RAB11FIP4: variants seen among roughly 807,000 people sequenced by gnomAD.
RAB11FIP4 encodes rab11 family-interacting protein 4.
Under a neutral mutation model 74.3 loss-of-function variants are expected in RAB11FIP4, and 23 were observed. The ratio of observed to expected loss-of-function variants is 0.31; its 90% CI spans 0.22 to 0.44. The LOEUF (loss-of-function observed/expected upper bound fraction) is 0.44. Among genes scored for constraint, RAB11FIP4 ranks in the 20% least tolerant of loss-of-function variants. RAB11FIP4 has a pLI of 1.00. For synonymous variants in RAB11FIP4, 360 were observed against 359.9 expected, an observed-to-expected ratio of 1.00 and a Z score of 0.00; for missense variants, 630 against 863.9, an observed-to-expected ratio of 0.73 and a Z score of 3.39.
At chr17:31,442,970 A>AC (rs2071419977) in intron 3 of RAB11FIP4, among the ~76,000 whole-genome samples, 1 of 151,842 alleles carries the variant, frequency 6.6e-6, no homozygotes, top group East Asian at 1.9e-4. Flanking sequence ...AAAAAAAAAA[A>AC]AAAAGAAAAG....
At chr17:31,419,761 A>C (rs2071182157) in intron 1 of RAB11FIP4, among the ~76,000 whole-genome samples, 1 of 152,072 alleles carries the variant, frequency 6.6e-6, no homozygotes, top group Non-Finnish European at 1.5e-5. Context: ...TGTGTTAGCC[A>C]GGATGGTCTC....
At position 31,530,343 on chromosome 17, in the gene RAB11FIP4, G is replaced by A. The variant is rs2072847014; in HGVS notation, c.1671G>A (p.Arg557=). Residue 557 remains arginine, a synonymous_variant, in exon 14 of 15, where the codon CGG becomes CGA. Coordinates refer to ENST00000621161, the MANE Select transcript of RAB11FIP4 (RefSeq NM_032932.6). Reference sequence around the variant, plus strand: ...CTCTGTAGGAGAATTATAAGCTGCGGGATCAGAACGACGACTTGAATGGGC... The same window carrying A: ...CTCTGTAGGAGAATTATAAGCTGCGAGATCAGAACGACGACTTGAATGGGC... ...KRLKQENYKL[R]DQNDDLNGQI... The A allele has an allele frequency of 6.2e-7, 1 of 1,614,060 alleles. No individual in the cohort carries two copies. Among genetic ancestry groups the A allele is most frequent in the African/African-American group, 1.3e-5 (1 of 74,930 alleles).
chr17:31,537,086 G>C lies in RAB11FIP4; in HGVS notation c.*5354G>C. The C allele has an allele frequency of 2.5e-6, 1 of 399,624 alleles. No homozygotes were observed. The highest frequency in any genetic ancestry group is 4.4e-6 in the Non-Finnish European group (1 of 226,366). 24.8% of individuals were successfully genotyped at this position (399,624 alleles called of 1,614,324 possible). ...CCTGCTGGGGCCCATCCGCTTTGCT[G>C]TGCTGCACAGGCTGTTTTCATCTGC... On this transcript the variant is annotated 3_prime_UTR_variant, in exon 15 of 15. Transcript: ENST00000621161.
intron 3 of RAB11FIP4, among the ~76,000 whole-genome samples, chr17:31,445,691 T>G (rs142521273): frequency 0.011 from 1,689 of 149,464 alleles, 36 homozygotes; most frequent in African/African-American, 0.035. Flanking sequence ...GTTCAAACGA[T>G]TCTCCTGCCT....
At chr17:31,440,108 T>C (rs956579161) in intron 3 of RAB11FIP4, among the ~76,000 whole-genome samples, 1 of 152,230 alleles carries the variant, frequency 6.6e-6, no homozygotes, top group African/African-American at 2.4e-5. Flanking sequence ...CTCCAGGCTA[T>C]AAACATATTC....
In RAB11FIP4 at chr17:31,525,074, A is replaced by G. The variant is rs2023795; in HGVS notation, c.1134-16A>G. The G allele has an allele frequency of 0.67, 1,031,380 of 1,549,732 alleles. 346,485 individuals carry two copies. Among genetic ancestry groups the G allele is most frequent in the African/African-American group, 0.87 (63,816 of 73,132 alleles). On this transcript the variant is annotated splice_polypyrimidine_tract_variant and intron_variant, in intron 9 of 14. Coordinates refer to ENST00000621161, the MANE Select transcript of RAB11FIP4 (RefSeq NM_032932.6). ...TGGTGCAGGCCCCAAGAGCTTGCCCATTGCGCTGTCCTCAGGGTGCATGAG... is the reference window on the plus strand; with the variant it reads ...TGGTGCAGGCCCCAAGAGCTTGCCCGTTGCGCTGTCCTCAGGGTGCATGAG...
chr17:31,519,096 C>T (rs1374729351), intron 4 of RAB11FIP4, among the ~76,000 whole-genome samples: 1 of 147,806 alleles, frequency 6.8e-6, no homozygotes. Flanking sequence ...CTCACTGCAA[C>T]CTCCACCTCC....
intron 3 of RAB11FIP4, among the ~76,000 whole-genome samples, chr17:31,514,298 G>A (rs1304331498): frequency 6.6e-6 from 1 of 152,232 alleles, no homozygotes; most frequent in African/African-American, 2.4e-5. Context: ...GGCAGTGCCC[G>A]GCACACACTC....
intron 1 of RAB11FIP4, among the ~76,000 whole-genome samples, chr17:31,395,352 T>C (rs2070918980): frequency 6.6e-6 from 1 of 152,154 alleles, no homozygotes; most frequent in Admixed American, 6.5e-5. Context: ...CGTGTAAGCA[T>C]GAGATGTGCG....
intron 6 of RAB11FIP4, 139 bp from the exon 7 acceptor site, chr17:31,522,221 C>G: frequency 1.6e-6 from 2 of 1,270,976 alleles, no homozygotes; most frequent in Admixed American, 2.0e-5. Flanking sequence ...TGTTTCTTCT[C>G]AGGACCAAGC....
intron 2 of RAB11FIP4, among the ~76,000 whole-genome samples, chr17:31,432,504 G>A (rs1391771826): frequency 6.6e-6 from 1 of 151,990 alleles, no homozygotes; most frequent in Non-Finnish European, 1.5e-5. Flanking sequence ...GACTACAGGA[G>A]GTACACCACC....
At position 31,504,914 on chromosome 17, in the gene RAB11FIP4, A is replaced by G. The variant is rs956436554; in HGVS notation, c.337-12737A>G. 2.3e-4 allele frequency among the ~76,000 whole-genome samples: 35 copies of G among 152,296 alleles called. No individual in the cohort carries two copies. In the East Asian group the frequency reaches 4.2e-3, roughly 18 times the overall value. On this transcript the variant is annotated intron_variant, in intron 3 of 14. Coordinates refer to ENST00000621161, the MANE Select transcript of RAB11FIP4 (RefSeq NM_032932.6). ...CCGCATCACCCGAGAACTTGTTAGA[A>G]ATGCGTTTTCTTCCAGCCTGCCTCA...
intron 3 of RAB11FIP4, among the ~76,000 whole-genome samples, chr17:31,460,017 G>C (rs1478314847): frequency 6.6e-6 from 1 of 152,164 alleles, no homozygotes; most frequent in Non-Finnish European, 1.5e-5. Context: ...GGTGCCTCTT[G>C]AGGAAAAAGC....
At chr17:31,527,724 CAGTT>C in intron 10 of RAB11FIP4, 114 bp from the exon 11 acceptor site, 1 of 677,340 alleles carries the variant, frequency 1.5e-6, no homozygotes, top group South Asian at 2.1e-5. Context: ...TTCTTTCTCT[CAGTT>C]GGTTTCTGGT....
chr17:31,519,536 T>C (rs905360065), intron 4 of RAB11FIP4, among the ~76,000 whole-genome samples: 1 of 152,160 alleles, frequency 6.6e-6, no homozygotes, highest in African/African-American at 2.4e-5. Flanking sequence ...GGTGGGAAGC[T>C]GCCACCATTG....
chr17:31,514,792 A>G (rs2072516472), intron 3 of RAB11FIP4, among the ~76,000 whole-genome samples: 1 of 152,194 alleles, frequency 6.6e-6, no homozygotes, highest in South Asian at 2.1e-4. Flanking sequence ...TCCCCGCACT[A>G]ACCTGCAGTG....
Position 31,533,570 on chromosome 17 carries a change from C to CT in RAB11FIP4, c.*1839dup, listed in dbSNP as rs2072907988. On this transcript the variant is annotated 3_prime_UTR_variant, in exon 15 of 15. Coordinates refer to ENST00000621161, the MANE Select transcript of RAB11FIP4 (RefSeq NM_032932.6). ...AGACAGATCCTGACATAGCTTTGGC[C>CT]TGGGTGTTAGGTCAGAAGGAGTACT... 1.3e-5 allele frequency: 2 copies of CT among 152,264 alleles called. No individual in the cohort carries two copies. The highest frequency in any genetic ancestry group is 4.8e-5 in the African/African-American group (2 of 41,442). 9.4% of individuals were successfully genotyped at this position (152,264 alleles called of 1,614,324 possible).
chr17:31,530,501 C>T (rs763082907), intron 14 of RAB11FIP4, 32 bp downstream of exon 14: 2 of 1,599,988 alleles, frequency 1.3e-6, no homozygotes, highest in African/African-American at 2.7e-5. Flanking sequence ...GCTTTGGGGC[C>T]TGGCCGCCCT....
intron 1 of RAB11FIP4, among the ~76,000 whole-genome samples, chr17:31,430,796 A>G (rs12938156): frequency 0.19 from 29,573 of 151,934 alleles, 3,249 homozygotes; most frequent in East Asian, 0.32. Context: ...GGGGCTCCTG[A>G]GAGGTGTGGG....
Sources: gnomAD v4.1 joint callset for allele counts (sites outside exome capture counted in the v4.1 genomes callset) on GRCh38, gnomAD v4.1.1 for gene constraint, MANE v1.5 for transcripts, NCBI Gene and HGNC (gene_info 2026-07-23, HGNC 2026-07-21) for gene names.